ZNF723: variants seen among roughly 807,000 people sequenced by gnomAD.
ZNF723 encodes the protein zinc finger protein 723, pseudogene.
A neutral mutation model predicts 9.4 loss-of-function variants in ZNF723; 5 were observed. That is an observed-to-expected ratio of 0.53 (90% CI 0.28 to 1.12). The LOEUF is 1.12. Among genes scored for constraint, ZNF723 ranks in the 50% most tolerant of loss-of-function variants. The probability of loss-of-function intolerance (pLI) is 0.10; values close to 1 mark genes in which losing one functional copy is unlikely to be tolerated. For synonymous variants in ZNF723, 158 were observed against 168.8 expected, an observed-to-expected ratio of 0.94 and a Z score of 0.49; for missense variants, 450 against 501.5, an observed-to-expected ratio of 0.90 and a Z score of 0.98.
chr19:22,838,408 C>T (rs1363007142), intron 1 of ZNF723, among the ~76,000 whole-genome samples: 7 of 151,908 alleles, frequency 4.6e-5, no homozygotes, highest in Admixed American at 1.3e-4. Flanking sequence ...AAAAATTAGC[C>T]GGGCGTGGTG....
the ZNF723 span, among the ~76,000 whole-genome samples, chr19:22,814,955 C>A: frequency 6.6e-6 from 1 of 152,064 alleles, no homozygotes; most frequent in Non-Finnish European, 1.5e-5. Flanking sequence ...CTGGGCCTAT[C>A]ACCTAGGTGA....
chr19:22,820,810 C>T, the ZNF723 span, among the ~76,000 whole-genome samples: 1 of 152,158 alleles, frequency 6.6e-6, no homozygotes, highest in Non-Finnish European at 1.5e-5. Flanking sequence ...TTAGAACTGT[C>T]ACCCTTACAT....
intron 1 of ZNF723, among the ~76,000 whole-genome samples, chr19:22,835,427 T>C (rs1218562090): frequency 3.3e-5 from 5 of 152,144 alleles, no homozygotes. Context: ...TTAGTAGAGC[T>C]TGAAAGGTTA....
chr19:22,848,161 G>A, intron 1 of ZNF723, 100 bp from the exon 2 acceptor site: 1 of 500,112 alleles, frequency 2.0e-6, no homozygotes, highest in Non-Finnish European at 3.6e-6. Context: ...GTCAGAACCT[G>A]TTCTCTTTAC....
At position 22,858,189 on chromosome 19, in the gene ZNF723, G is replaced by T. The variant is rs1967510679; in HGVS notation, c.1298G>T (p.Gly433Val). 52 of 1,386,204 alleles carry T rather than the reference G, an allele frequency of 3.8e-5. No individual in the cohort carries two copies. Among genetic ancestry groups the T allele is most frequent in the Non-Finnish European group, 5.0e-5 (49 of 979,244 alleles). 85.9% of individuals were successfully genotyped at this position (1,386,204 alleles called of 1,614,324 possible). The change falls in exon 4 of 4, where the codon GGT becomes GTT. Residue 433 changes from glycine to valine, a missense_variant. Gly to Val is a moderately radical substitution (Grantham distance 109). Transcript: ENST00000600766. Reference protein sequence around the residue: ...RPYKCKQCGKGFSQSSTLTKH... With the variant: ...RPYKCKQCGKVFSQSSTLTKH... The stretch of plus-strand genomic sequence containing the variant: ...TACAAATGTAAACAATGTGGTAAAG[G>T]TTTTAGCCAATCCTCAACCCTTACT...
intron 1 of ZNF723, among the ~76,000 whole-genome samples, chr19:22,842,595 T>G (rs1294286806): frequency 2.0e-5 from 3 of 152,226 alleles, no homozygotes; most frequent in Non-Finnish European, 4.4e-5. Flanking sequence ...CAGGTTACAA[T>G]CCTCAAGCTT....
chr19:22,842,501 C>T (rs1454332988), intron 1 of ZNF723, among the ~76,000 whole-genome samples: 4 of 152,158 alleles, frequency 2.6e-5, no homozygotes, highest in Admixed American at 2.0e-4. Flanking sequence ...CCATCTCTCT[C>T]TCCCTCTCTT....
chr19:22,852,119 A>C (rs1967406093), intron 3 of ZNF723, among the ~76,000 whole-genome samples: 1 of 152,022 alleles, frequency 6.6e-6, no homozygotes, highest in Non-Finnish European at 1.5e-5. Flanking sequence ...AAAATTGGTA[A>C]AGTTCTCAGT....
At chr19:22,842,868 T>C (rs1029382718) in intron 1 of ZNF723, among the ~76,000 whole-genome samples, 1 of 152,214 alleles carries the variant, frequency 6.6e-6, no homozygotes, top group African/African-American at 2.4e-5. Context: ...AGACATTTTA[T>C]GCATTGTCAG....
the ZNF723 span, among the ~76,000 whole-genome samples, chr19:22,820,856 CTG>C: frequency 6.6e-6 from 1 of 152,124 alleles, no homozygotes; most frequent in Admixed American, 6.6e-5. Flanking sequence ...ACAGGTAAAA[CTG>C]TGACTCTCCT....
chr19:22,847,256 CTT>C (rs35635094), intron 1 of ZNF723, among the ~76,000 whole-genome samples: 1 of 144,300 alleles, frequency 6.9e-6, no homozygotes, highest in Admixed American at 7.0e-5. Context: ...TTGTAAAGGC[CTT>C]TTTTTTTTTA....
At chr19:22,847,997 G>T (rs1967337589) in intron 1 of ZNF723, among the ~76,000 whole-genome samples, 1 of 151,746 alleles carries the variant, frequency 6.6e-6, no homozygotes, top group Non-Finnish European at 1.5e-5. Flanking sequence ...AGCTACTTGG[G>T]AGACTGAGGC....
At chr19:22,831,614 T>C (rs1333421716), upstream of ZNF723, among the ~76,000 whole-genome samples, 5 of 150,990 alleles carry the variant, frequency 3.3e-5, no homozygotes, top group South Asian at 1.0e-3. Context: ...AGATTGCCTT[T>C]TTAAAAAAAA....
chr19:22,844,342 G>C (rs868706246), intron 1 of ZNF723, among the ~76,000 whole-genome samples: 28 of 152,104 alleles, frequency 1.8e-4, no homozygotes, highest in African/African-American at 6.0e-4. Context: ...TCTCTATTCA[G>C]GTAATTTGTC....
At chr19:22,816,792 A>T in the ZNF723 span, among the ~76,000 whole-genome samples, 34 of 152,352 alleles carry the variant, frequency 2.2e-4, no homozygotes, top group Admixed American at 7.8e-4. Context: ...TTTTGCCCAC[A>T]TGGGCCATTG....
At chr19:22,823,880 T>G in the ZNF723 span, among the ~76,000 whole-genome samples, 1 of 152,234 alleles carries the variant, frequency 6.6e-6, no homozygotes, top group Non-Finnish European at 1.5e-5. Flanking sequence ...AGCACCTATG[T>G]GATGTACTTC....
chr19:22,842,346 C>A (rs1967258643), intron 1 of ZNF723, among the ~76,000 whole-genome samples: 1 of 152,146 alleles, frequency 6.6e-6, no homozygotes, highest in Non-Finnish European at 1.5e-5. Flanking sequence ...AAACTGTTAA[C>A]TGTTGCCACT....
At chr19:22,822,686 C>T in the ZNF723 span, among the ~76,000 whole-genome samples, 1 of 152,198 alleles carries the variant, frequency 6.6e-6, no homozygotes, top group Non-Finnish European at 1.5e-5. Context: ...CATGGTGAAA[C>T]GCTGTCACTA....
chr19:22,855,968 T>C (rs1967472557), intron 3 of ZNF723, among the ~76,000 whole-genome samples: 1 of 152,178 alleles, frequency 6.6e-6, no homozygotes, highest in Admixed American at 6.5e-5. Flanking sequence ...TTGTTTGTTT[T>C]TGTTTTTTGA....
Sources: allele counts gnomAD v4.1 joint callset (sites outside exome capture counted in the v4.1 genomes callset), GRCh38; gene constraint gnomAD v4.1.1; transcripts MANE v1.5; gene names NCBI Gene and HGNC (gene_info 2026-07-23, HGNC 2026-07-21).